Variants in CASC3 observed in about 807,000 individuals in gnomAD.
The protein encoded by CASC3 is protein CASC3.
CASC3 carries 30 observed loss-of-function variants against 80.5 expected under a neutral mutation model. The ratio of observed to expected loss-of-function variants is 0.37; its 90% CI spans 0.28 to 0.51. CASC3 has a LOEUF of 0.51. Among genes scored for constraint, CASC3 ranks in the 20% least tolerant of loss-of-function variants. The probability of loss-of-function intolerance (pLI) is 0.94; values close to 1 mark genes in which losing one functional copy is unlikely to be tolerated. For synonymous variants in CASC3, 312 were observed against 333.6 expected (o/e 0.94, Z 0.70); for missense variants, 824 against 922.2 (o/e 0.89, Z 1.38).
intron 11 of CASC3, chr17:40,168,714 C>T (rs1026001334): frequency 1.7e-5 from 6 of 354,622 alleles, no homozygotes; most frequent in Non-Finnish European, 3.2e-5. Context: ...CCTCAGCCTC[C>T]CGAGTAGCTG....
Position 40,167,314 on chromosome 17 carries a change from T to C in CASC3, c.1537-184T>C, listed in dbSNP as rs1025695495. 3 of 592,928 alleles carry C rather than the reference T, an allele frequency of 5.1e-6. No homozygotes were observed. The African/African-American group carries it at 5.6e-5, about 11-fold the overall frequency. The allele number at this position is 592,928 out of a possible 1,614,324, so 36.7% of individuals were successfully genotyped here. A position where few individuals can be genotyped will look rare whatever the true frequency, so the allele number is the denominator to read the frequency against. On this transcript the variant is annotated intron_variant, in intron 8 of 13. Transcript: ENST00000264645. ...CATGTTTCTTTTAATTTGGATCTCC[T>C]AAATGTAAGGTAGAAGGTTTAGGTT...
Position 40,163,669 on chromosome 17 carries a change from G to C in CASC3, c.974G>C (p.Gly325Ala). 2 of 1,614,128 alleles carry C rather than the reference G, an allele frequency of 1.2e-6. No individual in the cohort carries two copies. Among genetic ancestry groups the C allele is most frequent in the Non-Finnish European group, 1.7e-6 (2 of 1,180,022 alleles). The change falls in exon 7 of 14, where the codon GGT becomes GCT. Residue 325 changes from glycine to alanine, a missense_variant. By Grantham distance (60) the Gly-to-Ala change is moderately conservative. Around this residue, in one of 3 missense-constraint regions of CASC3, gnomAD observed 464 missense variants for 506.0 expected, o/e 0.92. Transcript: ENST00000264645. Reference sequence around the variant, plus strand: ...GGGGGCTTCAAGGAAGGTCGTGCTGGTTTTAGGCCTGTGGAAGCTGGTGGG... The same window carrying C: ...GGGGGCTTCAAGGAAGGTCGTGCTGCTTTTAGGCCTGTGGAAGCTGGTGGG... ...RSGGFKEGRA[G>A]FRPVEAGGQH...
At chr17:40,158,399 C>T (rs1290409376) in intron 3 of CASC3, among the ~76,000 whole-genome samples, 4 of 152,066 alleles carry the variant, frequency 2.6e-5, no homozygotes, top group African/African-American at 7.2e-5. Context: ...CAGATGTAAC[C>T]CACCAATGAA....
chr17:40,161,409 G>A (rs979526483), intron 3 of CASC3, among the ~76,000 whole-genome samples: 1 of 152,158 alleles, frequency 6.6e-6, no homozygotes. Context: ...AGCCAGGCAC[G>A]GTGGCTCACG....
At chr17:40,153,900 C>T (rs369294283) in intron 3 of CASC3, among the ~76,000 whole-genome samples, 3 of 152,202 alleles carry the variant, frequency 2.0e-5, no homozygotes, top group East Asian at 3.9e-4. Context: ...ATGGCGAAAC[C>T]TCGTCTCTGC....
intron 3 of CASC3, among the ~76,000 whole-genome samples, chr17:40,157,375 T>A (rs34754634): frequency 0.34 from 47,236 of 138,454 alleles, 8,311 homozygotes; most frequent in Middle Eastern, 0.49. Flanking sequence ...ATAAATTAAT[T>A]AATTAATTAA....
chr17:40,146,859 A>G (rs1274139974), intron 3 of CASC3, among the ~76,000 whole-genome samples: 3 of 152,152 alleles, frequency 2.0e-5, no homozygotes, highest in South Asian at 4.1e-4. Context: ...CTGGGATTAC[A>G]TGTGTGGTGA....
chr17:40,142,715 C>T (rs1348633394), intron 3 of CASC3, among the ~76,000 whole-genome samples: 2 of 151,982 alleles, frequency 1.3e-5, no homozygotes, highest in African/African-American at 2.4e-5. Context: ...GGTGAAACCC[C>T]GTCCCTACTA....
intron 3 of CASC3, among the ~76,000 whole-genome samples, chr17:40,144,689 G>A (rs1403791474): frequency 2.1e-5 from 3 of 141,938 alleles, no homozygotes; most frequent in Non-Finnish European, 4.6e-5. Context: ...TTAAAAAAGA[G>A]GCAGGGTCTC....
In CASC3 at chr17:40,164,128, C is replaced by T. The variant is rs140375987; in HGVS notation, c.1433C>T (p.Pro478Leu). Residue 478 changes from proline to leucine, a missense_variant, in exon 7 of 14, where the codon CCG becomes CTG. Pro to Leu is a moderately conservative substitution (Grantham distance 98). Transcript: ENST00000264645. ...QLNIAEQNWSPGQPSFLQPRE... is the reference protein window; with the variant it reads ...QLNIAEQNWSLGQPSFLQPRE... Reference sequence around the variant, plus strand: ...AATATAGCAGAACAGAATTGGAGTCCGGGGCAGCCTTCTTTCCTGCAACCA... The same window carrying T: ...AATATAGCAGAACAGAATTGGAGTCTGGGGCAGCCTTCTTTCCTGCAACCA... 1,447 of 1,610,968 alleles carry T rather than the reference C, an allele frequency of 9.0e-4. 17 individuals carry two copies. In the Middle Eastern group the frequency reaches 0.04, roughly 44 times the overall value.
rs964815679 is a variant in CASC3, at chr17:40,170,557, C to T, written c.*152C>T. Reference sequence around the variant, plus strand: ...CCAGCAAACAGCTGAAAGAGGAGGACCCCTGCCTTCCTCTGAGGACAGGCT... The same window carrying T: ...CCAGCAAACAGCTGAAAGAGGAGGATCCCTGCCTTCCTCTGAGGACAGGCT... On this transcript the variant is annotated 3_prime_UTR_variant, in exon 14 of 14. Coordinates refer to ENST00000264645, the MANE Select transcript of CASC3 (RefSeq NM_007359.5). 13 of 985,450 alleles carry T rather than the reference C, an allele frequency of 1.3e-5. No individual in the cohort carries two copies. The African/African-American group carries it at 1.4e-4, about 11-fold the overall frequency. The allele number at this position is 985,450 out of a possible 1,614,324, so 61.0% of individuals were successfully genotyped here. A position where few individuals can be genotyped will look rare whatever the true frequency, so the allele number is the denominator to read the frequency against.
At position 40,167,903 on chromosome 17, in the gene CASC3, C is replaced by T; in HGVS notation, c.1705C>T (p.Pro569Ser). The change falls in exon 10 of 14, where the codon CCA becomes TCA. Residue 569 changes from proline (P) to serine (S), a missense_variant. Physicochemically the swap from Pro to Ser is moderately conservative, Grantham distance 74. Coordinates refer to ENST00000264645, the MANE Select transcript of CASC3 (RefSeq NM_007359.5). ...TGGTGACAGCCCTGCCCCGCTGCCT[C>T]CACAGGGCATGCTTGTGCAGCCAGG... ...THGDSPAPLP[P>S]QGMLVQPGMN... 6.2e-7 allele frequency: 1 copy of T among 1,614,166 alleles called. No homozygotes were observed. The highest frequency in any genetic ancestry group is 8.5e-7 in the Non-Finnish European group (1 of 1,180,030).
chr17:40,142,105 G>A (rs1056183719), intron 3 of CASC3, among the ~76,000 whole-genome samples: 1 of 152,210 alleles, frequency 6.6e-6, no homozygotes, highest in Non-Finnish European at 1.5e-5. Context: ...ATCAGAGTAA[G>A]TGTTTGTTTC....
At chr17:40,146,524 C>T (rs1988865755) in intron 3 of CASC3, among the ~76,000 whole-genome samples, 1 of 151,416 alleles carries the variant, frequency 6.6e-6, no homozygotes, top group Non-Finnish European at 1.5e-5. Flanking sequence ...GCAACCTCTG[C>T]CTCCCGGGTT....
At chr17:40,146,499 T>G (rs1988865209) in intron 3 of CASC3, among the ~76,000 whole-genome samples, 1 of 151,310 alleles carries the variant, frequency 6.6e-6, no homozygotes, top group Non-Finnish European at 1.5e-5. Context: ...TGCAGTGGCG[T>G]GATCTCAGCT....
At chr17:40,170,400 G>A in intron 13 of CASC3, 47 bp from the exon 14 acceptor site, 1 of 983,772 alleles carries the variant, frequency 1.0e-6, no homozygotes. Context: ...TGCCCAGAAG[G>A]CCCACTAACA....
chr17:40,159,081 C>A lies in CASC3; in HGVS notation c.298-2672C>A, dbSNP rs1423160405. 2.6e-5 allele frequency among the ~76,000 whole-genome samples: 4 copies of A among 152,106 alleles called. No individual in the cohort carries two copies. In the South Asian group the frequency reaches 8.3e-4, roughly 32 times the overall value. Reference sequence around the variant, plus strand: ...TGAAACTCTGTCTCTACAAAAAATACAAAAATTAGTTGGGCATAGTGGTGT... The same window carrying A: ...TGAAACTCTGTCTCTACAAAAAATAAAAAAATTAGTTGGGCATAGTGGTGT... On this transcript the variant is annotated intron_variant, in intron 3 of 13. Coordinates refer to ENST00000264645, the MANE Select transcript of CASC3 (RefSeq NM_007359.5).
At chr17:40,154,365 C>T (rs1419626852) in intron 3 of CASC3, among the ~76,000 whole-genome samples, 1 of 151,924 alleles carries the variant, frequency 6.6e-6, no homozygotes, top group African/African-American at 2.4e-5. Flanking sequence ...CCCAAAGTAG[C>T]TGGGATTACA....
rs773642927 is a variant in CASC3, at chr17:40,170,648, C to T, written c.*243C>T. The T allele has an allele frequency of 1.1e-4, 109 of 985,396 alleles. No individual in the cohort carries two copies. The highest frequency in any genetic ancestry group is 8.6e-4 in the Admixed American group (14 of 16,246). The allele number at this position is 985,396 out of a possible 1,614,324, so 61.0% of individuals were successfully genotyped here. A position where few individuals can be genotyped will look rare whatever the true frequency, so the allele number is the denominator to read the frequency against. Reference sequence around the variant, plus strand: ...ACTCTTCACTTGAGTTGGCTGTGTTCGGGGGAGCAGAGAGAGCCAGACAGC... The same window carrying T: ...ACTCTTCACTTGAGTTGGCTGTGTTTGGGGGAGCAGAGAGAGCCAGACAGC... On this transcript the variant is annotated 3_prime_UTR_variant, in exon 14 of 14. Coordinates refer to ENST00000264645, the MANE Select transcript of CASC3 (RefSeq NM_007359.5).
Sources: gnomAD v4.1 joint callset for allele counts (sites outside exome capture counted in the v4.1 genomes callset) on GRCh38, gnomAD v4.1.1 for gene constraint, gnomAD v4.1.1 regional missense constraint, MANE v1.5 for transcripts, NCBI Gene and HGNC (gene_info 2026-07-23, HGNC 2026-07-21) for gene names.